Variants in CCDC146 observed in about 807,000 individuals in gnomAD.
CCDC146 encodes the protein coiled-coil domain-containing protein 146.
Under a neutral mutation model 119.3 loss-of-function variants are expected in CCDC146, and 92 were observed. That is an observed-to-expected ratio of 0.77 (90% CI 0.65 to 0.92). The LOEUF is 0.92. Ranked by LOEUF, CCDC146 falls within the 40% of genes least tolerant of loss-of-function variation. The probability of loss-of-function intolerance (pLI) is 0.00; values close to 1 mark genes in which losing one functional copy is unlikely to be tolerated. For missense variants in CCDC146, 1,000 were observed against 1,103.0 expected, an observed-to-expected ratio of 0.91 and a Z score of 1.32; for synonymous variants, 372 against 371.8, an observed-to-expected ratio of 1.00 and a Z score of -0.01.
At chr7:77,268,946 A>T (rs886195225) in intron 9 of CCDC146, among the ~76,000 whole-genome samples, 15 of 152,034 alleles carry the variant, frequency 9.9e-5, no homozygotes, top group African/African-American at 3.4e-4. Flanking sequence ...CAGAATTTTT[A>T]CATTTTACAA....
At chr7:77,127,030 G>C (rs1263534996) in intron 1 of CCDC146, among the ~76,000 whole-genome samples, 2 of 152,154 alleles carry the variant, frequency 1.3e-5, no homozygotes, top group African/African-American at 4.8e-5. Flanking sequence ...CAGGAGAGGA[G>C]AGAGGTCAGG....
intron 3 of CCDC146, 104 bp from the exon 4 acceptor site, chr7:77,241,587 T>G: frequency 1.1e-6 from 1 of 910,444 alleles, no homozygotes; most frequent in Admixed American, 2.2e-5. Context: ...CAGAGTTGAG[T>G]TGATCTGAGG....
At chr7:77,169,137 G>T (rs1280572618) in intron 2 of CCDC146, among the ~76,000 whole-genome samples, 2 of 151,990 alleles carry the variant, frequency 1.3e-5, no homozygotes, top group African/African-American at 4.8e-5. Flanking sequence ...ACACTTTGAA[G>T]AGAAGAGGCC....
intron 3 of CCDC146, among the ~76,000 whole-genome samples, chr7:77,237,645 G>A (rs1584100347): frequency 6.6e-6 from 1 of 150,462 alleles, no homozygotes; most frequent in African/African-American, 2.4e-5. Context: ...GCTTGAGTCT[G>A]CTGAGACCCT....
chr7:77,243,247 T>A (rs1209218857), intron 4 of CCDC146, among the ~76,000 whole-genome samples: 1 of 152,222 alleles, frequency 6.6e-6, no homozygotes, highest in Non-Finnish European at 1.5e-5. Context: ...CCTTTAGGTA[T>A]AGACAGGCAC....
At chr7:77,146,277 C>A (rs1425768140) in intron 1 of CCDC146, among the ~76,000 whole-genome samples, 1 of 152,060 alleles carries the variant, frequency 6.6e-6, no homozygotes, top group Non-Finnish European at 1.5e-5. Flanking sequence ...GTAGATCTTC[C>A]TCCATCTCTT....
Position 77,256,463 on chromosome 7 carries a change from A to G in CCDC146, c.638A>G (p.Glu213Gly), listed in dbSNP as rs767393095. The change falls in exon 6 of 19, where the codon GAG (glutamate) becomes GGG (glycine). Residue 213 changes from glutamate to glycine, a missense_variant. Glu to Gly is a moderately conservative substitution (Grantham distance 98, BLOSUM62 -2). Around this residue, in one of 2 missense-constraint regions of CCDC146, gnomAD observed 985 missense variants for 1,045.3 expected, o/e 0.94. Coordinates refer to ENST00000285871, the MANE Select transcript of CCDC146 (RefSeq NM_020879.3). ...LASKQKQLLK[E>G]QKELEELLGH... ...TCTAAACAAAAGCAATTATTAAAAG[A>G]GCAGAAGGAACTAGAAGAATTGTTG... 4 of 1,607,094 alleles carry G rather than the reference A, an allele frequency of 2.5e-6. No individual in the cohort carries two copies. Among genetic ancestry groups the G allele is most frequent in the Admixed American group, 3.4e-5 (2 of 58,038 alleles).
At chr7:77,261,763 C>T (rs1427858483) in intron 8 of CCDC146, among the ~76,000 whole-genome samples, 1 of 152,200 alleles carries the variant, frequency 6.6e-6, no homozygotes, top group East Asian at 1.9e-4. Context: ...AGGCGTGAGC[C>T]ACCGCGCCCA....
intron 1 of CCDC146, among the ~76,000 whole-genome samples, chr7:77,152,326 C>A (rs1168922753): frequency 6.6e-6 from 1 of 152,110 alleles, no homozygotes; most frequent in South Asian, 2.1e-4. Context: ...AGAGCCATTA[C>A]CTTCAAAGGA....
intron 1 of CCDC146, among the ~76,000 whole-genome samples, chr7:77,149,454 T>C (rs1791073610): frequency 6.6e-6 from 1 of 152,140 alleles, no homozygotes; most frequent in African/African-American, 2.4e-5. Flanking sequence ...GTTTGAGGAC[T>C]TATAATACCT....
intron 2 of CCDC146, among the ~76,000 whole-genome samples, chr7:77,169,580 C>G (rs1791386847): frequency 6.6e-6 from 1 of 152,204 alleles, no homozygotes; most frequent in African/African-American, 2.4e-5. Flanking sequence ...GAAGAACTTT[C>G]TCTTCTTTCC....
chr7:77,199,971 CTG>C, intron 2 of CCDC146: 3 of 594,202 alleles, frequency 5.0e-6, no homozygotes, highest in Non-Finnish European at 8.7e-6. Context: ...TTGCCAAAAA[CTG>C]TAACTTACTC....
intron 9 of CCDC146, among the ~76,000 whole-genome samples, chr7:77,267,862 C>T (rs1793437568): frequency 6.6e-6 from 1 of 152,134 alleles, no homozygotes; most frequent in Non-Finnish European, 1.5e-5. Context: ...CATTTGATGG[C>T]CTATTCATTT....
chr7:77,168,447 T>A (rs923722147), intron 2 of CCDC146, among the ~76,000 whole-genome samples: 19 of 152,010 alleles, frequency 1.2e-4, no homozygotes, highest in African/African-American at 4.6e-4. Flanking sequence ...TAGAGGACAT[T>A]TGAATTTCAG....
chr7:77,280,568 C>G lies in CCDC146; in HGVS notation c.1834C>G (p.Leu612Val), dbSNP rs1167113124. Residue 612 changes from leucine (L) to valine (V), a missense_variant, in exon 14 of 19, where the codon CTT (leucine) becomes GTT (valine). Transcript: ENST00000285871. ...KEAQLNNIDR[L>V]ANTITMIEEE... ...AGCCCAGTTAAATAACATTGACAGACTTGCCAACACGATCACAATGATCGA... is the reference window on the plus strand; with the variant it reads ...AGCCCAGTTAAATAACATTGACAGAGTTGCCAACACGATCACAATGATCGA... 3 of 1,614,146 alleles carry G rather than the reference C, an allele frequency of 1.9e-6. No homozygotes were observed. In the East Asian group the frequency reaches 6.7e-5, roughly 36 times the overall value.
rs140803705 is a variant in CCDC146 at position 77,202,814 on chromosome 7, T to C, written c.157-34133T>C. Among the ~76,000 whole-genome samples the C allele has an allele frequency of 1.6e-4, 25 of 152,198 alleles. No homozygotes were observed. The East Asian group carries it at 4.2e-3, about 26-fold the overall frequency. ...AATGACTTGTCTGGTCATTTTACAG[T>C]TTTCAGTTTCTGTTTTAGAGTTTTT... On this transcript the variant is annotated intron_variant, in intron 2 of 18. Coordinates refer to ENST00000285871, the MANE Select transcript of CCDC146 (RefSeq NM_020879.3).
At chr7:77,265,489 A>G (rs560662192) in intron 9 of CCDC146, among the ~76,000 whole-genome samples, 4 of 152,348 alleles carry the variant, frequency 2.6e-5, no homozygotes, top group African/African-American at 7.2e-5. Flanking sequence ...AATTTGTCTC[A>G]TAAATTAATA....
chr7:77,213,796 T>C (rs959235343), intron 2 of CCDC146, among the ~76,000 whole-genome samples: 3 of 152,264 alleles, frequency 2.0e-5, no homozygotes, highest in Non-Finnish European at 2.9e-5. Context: ...GCAAAGGACA[T>C]GATTTCATTC....
intron 1 of CCDC146, among the ~76,000 whole-genome samples, chr7:77,134,164 A>C (rs867920284): frequency 0.19 from 28,096 of 150,526 alleles, 2,938 homozygotes; most frequent in Non-Finnish European, 0.21. Flanking sequence ...TTTATTGAAA[A>C]AAAAAATCCT....
Sources: gnomAD v4.1 joint callset for allele counts (sites outside exome capture counted in the v4.1 genomes callset) on GRCh38, gnomAD v4.1.1 for gene constraint, gnomAD v4.1.1 regional missense constraint, MANE v1.5 for transcripts, NCBI Gene and HGNC (gene_info 2026-07-23, HGNC 2026-07-21) for gene names.